SUCLG2: variants seen among roughly 807,000 people sequenced by gnomAD.
SUCLG2 encodes succinate-CoA ligase GDP-forming subunit beta, also known as succinate--CoA ligase [GDP-forming] subunit beta, mitochondrial.
SUCLG2 carries 42 observed loss-of-function variants against 47.9 expected under a neutral mutation model. The observed-to-expected ratio is 0.88, with a 90% CI of 0.69 to 1.14. The LOEUF (loss-of-function observed/expected upper bound fraction) is 1.14, where lower values mean the gene tolerates loss of function less well. SUCLG2 is among the 50% of genes most tolerant of loss of function. SUCLG2 has a pLI of 0.00. For synonymous variants in SUCLG2, 195 were observed against 197.3 expected (o/e 0.99, Z 0.10); for missense variants, 571 against 525.9 (o/e 1.09, Z -0.84).
chr3:67,495,708 CT>C (rs1401393464), intron 9 of SUCLG2, 89 bp downstream of exon 9: 1 of 1,396,546 alleles, frequency 7.2e-7, no homozygotes, highest in Non-Finnish European at 1.0e-6. Context: ...CACATATTGA[CT>C]TATCAACTCT....
downstream of SUCLG2, among the ~76,000 whole-genome samples, chr3:67,374,028 A>G (rs1701988009): frequency 6.6e-6 from 1 of 152,192 alleles, no homozygotes. Flanking sequence ...GGTTGACTGG[A>G]AACATCAATA....
chr3:67,524,973 T>C (rs986007564), intron 4 of SUCLG2, among the ~76,000 whole-genome samples: 2 of 152,080 alleles, frequency 1.3e-5, no homozygotes, highest in African/African-American at 4.8e-5. Context: ...TAAAAAGAAA[T>C]CAACACCAAT....
At chr3:67,381,328 T>C (rs1702154081) in intron 10 of SUCLG2, among the ~76,000 whole-genome samples, 1 of 152,192 alleles carries the variant, frequency 6.6e-6, no homozygotes, top group South Asian at 2.1e-4. Context: ...ATTCCTTTTT[T>C]GCAAAATGAT....
intron 9 of SUCLG2, among the ~76,000 whole-genome samples, chr3:67,412,804 T>A (rs1334677963): frequency 1.3e-5 from 2 of 152,180 alleles, no homozygotes; most frequent in Admixed American, 6.5e-5. Flanking sequence ...TCAATATTTT[T>A]AAAAATAAAC....
intron 9 of SUCLG2, among the ~76,000 whole-genome samples, chr3:67,424,582 T>G (rs1703251472): frequency 6.6e-6 from 1 of 152,230 alleles, no homozygotes; most frequent in Admixed American, 6.5e-5. Context: ...TGGTTAGTTA[T>G]GAATCTCTTC....
At chr3:67,376,561 C>A (rs1041402524) in intron 10 of SUCLG2, 5 of 926,500 alleles carry the variant, frequency 5.4e-6, no homozygotes, top group Admixed American at 6.2e-5. Context: ...CATCCTACAT[C>A]ATTTCCTGTG....
At chr3:67,374,649 C>G (rs1467169588), downstream of SUCLG2, 2 of 549,038 alleles carry the variant, frequency 3.6e-6, no homozygotes, top group African/African-American at 4.1e-5. Flanking sequence ...GACACTAAGA[C>G]TAGTGTCTTT....
At chr3:67,395,351 G>A (rs962626951) in intron 10 of SUCLG2, among the ~76,000 whole-genome samples, 1 of 151,980 alleles carries the variant, frequency 6.6e-6, no homozygotes, top group South Asian at 2.1e-4. Flanking sequence ...ATGGAAAACA[G>A]AAAAAGGCAG....
intron 6 of SUCLG2, among the ~76,000 whole-genome samples, chr3:67,516,867 C>T (rs538221944): frequency 1.3e-5 from 2 of 152,296 alleles, no homozygotes; most frequent in Admixed American, 6.5e-5. Flanking sequence ...GTATGGAAAA[C>T]GGGCTCTTGG....
chr3:67,568,841 C>T (rs1240020993), intron 2 of SUCLG2, among the ~76,000 whole-genome samples: 1 of 152,108 alleles, frequency 6.6e-6, no homozygotes, highest in African/African-American at 2.4e-5. Context: ...GAGCCGAGAT[C>T]GCGCCACTGC....
At chr3:67,606,645 G>C (rs1317028161) in intron 2 of SUCLG2, among the ~76,000 whole-genome samples, 1 of 152,144 alleles carries the variant, frequency 6.6e-6, no homozygotes, top group African/African-American at 2.4e-5. Context: ...TCCAGGTTTA[G>C]ATCTTATTTT....
At chr3:67,609,725 GA>G (rs11286754) in intron 1 of SUCLG2, 129 bp from the exon 2 acceptor site, 269,958 of 673,978 alleles carry the variant, frequency 0.4, 54,606 homozygotes, top group African/African-American at 0.63. Flanking sequence ...AGAAGCAAAA[GA>G]AAAAAAAAAC....
chr3:67,433,808 A>G (rs1041709988), intron 9 of SUCLG2, among the ~76,000 whole-genome samples: 3 of 152,168 alleles, frequency 2.0e-5, no homozygotes, highest in African/African-American at 7.2e-5. Context: ...TAGTAAAAAA[A>G]AAAAAAAACT....
chr3:67,376,947 A>T (rs949460725), intron 10 of SUCLG2, among the ~76,000 whole-genome samples: 1 of 152,188 alleles, frequency 6.6e-6, no homozygotes, highest in African/African-American at 2.4e-5. Context: ...TGTACTTGTT[A>T]TGTAGTTTTG....
At chr3:67,426,530 G>C (rs1703304569) in intron 9 of SUCLG2, among the ~76,000 whole-genome samples, 1 of 152,128 alleles carries the variant, frequency 6.6e-6, no homozygotes. Flanking sequence ...AGACTGTAAA[G>C]AACATACTTA....
chr3:67,440,199 CTCCT>C (rs1401713329), intron 9 of SUCLG2, among the ~76,000 whole-genome samples: 13 of 152,178 alleles, frequency 8.5e-5, no homozygotes, highest in Non-Finnish European at 1.9e-4. Context: ...TGAAGCTGGA[CTCCT>C]TCCTTACACT....
At chr3:67,598,126 G>A (rs555837347) in intron 2 of SUCLG2, among the ~76,000 whole-genome samples, 15 of 151,966 alleles carry the variant, frequency 9.9e-5, no homozygotes, top group African/African-American at 2.9e-4. Flanking sequence ...GACTACAGGC[G>A]CATGCCGCCA....
intron 2 of SUCLG2, among the ~76,000 whole-genome samples, chr3:67,581,769 C>A (rs574311206): frequency 1.1e-4 from 17 of 152,290 alleles, no homozygotes; most frequent in African/African-American, 4.1e-4. Context: ...GATGTGAGCA[C>A]TAAAGTACCT....
At chr3:67,586,351 G>C (rs1010873734) in intron 2 of SUCLG2, among the ~76,000 whole-genome samples, 7 of 152,160 alleles carry the variant, frequency 4.6e-5, no homozygotes, top group Non-Finnish European at 8.8e-5. Context: ...TAAGCTCCTG[G>C]AACAACCTAG....
Sources: gnomAD v4.1 joint callset for allele counts (sites outside exome capture counted in the v4.1 genomes callset) on GRCh38, gnomAD v4.1.1 for gene constraint, MANE v1.5 for transcripts, NCBI Gene and HGNC (gene_info 2026-07-23, HGNC 2026-07-21) for gene names.